Variants in ADAMTS19 observed in about 807,000 individuals in gnomAD.
ADAMTS19 encodes the protein ADAM metallopeptidase with thrombospondin type 1 motif 19.
A neutral mutation model predicts 153.3 loss-of-function variants in ADAMTS19; 93 were observed. The observed-to-expected ratio is 0.61, with a 90% CI of 0.51 to 0.72. ADAMTS19 has a LOEUF of 0.72. Ranked by LOEUF, ADAMTS19 falls within the 30% of genes least tolerant of loss-of-function variation. The pLI, the probability that ADAMTS19 is intolerant of heterozygous loss-of-function variation, is 0.00. For synonymous variants in ADAMTS19, 600 were observed against 556.6 expected (o/e 1.08, Z -1.10); for missense variants, 1,482 against 1,552.1 (o/e 0.95, Z 0.76).
chr5:129,737,230 C>A lies in ADAMTS19; in HGVS notation c.*12C>A. ...AGCAGAAGAGTTGACCTCTAGCAGG[C>A]TGGCTGGATCACAGCTCTTGGCAAT... is the stretch of plus-strand genomic sequence containing the variant. On this transcript the variant is annotated 3_prime_UTR_variant, in exon 23 of 23. Coordinates refer to ENST00000274487, the MANE Select transcript of ADAMTS19 (RefSeq NM_133638.6). The A allele has an allele frequency of 6.3e-7, 1 of 1,582,622 alleles. No individual in the cohort carries two copies. The highest frequency in any genetic ancestry group is 8.6e-7 in the Non-Finnish European group (1 of 1,159,016).
At chr5:129,535,829 T>C (rs950879896) in intron 6 of ADAMTS19, among the ~76,000 whole-genome samples, 16 of 152,156 alleles carry the variant, frequency 1.1e-4, no homozygotes, top group African/African-American at 3.9e-4. Context: ...CCCTATTTAA[T>C]AAATGGTGCT....
At chr5:129,553,361 A>C (rs1442071615) in intron 7 of ADAMTS19, among the ~76,000 whole-genome samples, 1 of 152,130 alleles carries the variant, frequency 6.6e-6, no homozygotes, top group Admixed American at 6.6e-5. Context: ...CATCTTGCTA[A>C]ATCTGCTAAT....
rs1355069158 is a variant in ADAMTS19 at position 129,460,424 on chromosome 5, C to T, written c.33C>T (p.His11=). ...AGAACCGCGAGATGCGCCTGACTCACATCTGCTGCTGCTGCCTCCTTTACC... is the reference window on the plus strand; with the variant it reads ...AGAACCGCGAGATGCGCCTGACTCATATCTGCTGCTGCTGCCTCCTTTACC... The part of the protein sequence containing the change: MGKNREMRLT[H]ICCCCLLYQL... Residue 11 remains histidine, a synonymous_variant, in exon 1 of 23, where the codon CAC becomes CAT. Coordinates refer to ENST00000274487, the MANE Select transcript of ADAMTS19 (RefSeq NM_133638.6). 4 of 1,614,152 alleles carry T rather than the reference C, an allele frequency of 2.5e-6. No homozygotes were observed. The Admixed American group carries it at 6.7e-5, about 27-fold the overall frequency.
chr5:129,555,938 G>C (rs897182005), intron 7 of ADAMTS19, among the ~76,000 whole-genome samples: 3 of 152,108 alleles, frequency 2.0e-5, no homozygotes, highest in Non-Finnish European at 4.4e-5. Context: ...TAAAACAATA[G>C]AATATTGTGC....
chr5:129,495,479 A>G (rs565844127), intron 2 of ADAMTS19, among the ~76,000 whole-genome samples: 3 of 152,220 alleles, frequency 2.0e-5, no homozygotes, highest in African/African-American at 7.2e-5. Flanking sequence ...TGAAGCAGAA[A>G]AAGGTGCTTA....
chr5:129,622,068 A>G, intron 9 of ADAMTS19, 130 bp from the exon 10 acceptor site: 3 of 820,640 alleles, frequency 3.7e-6, no homozygotes, highest in East Asian at 5.5e-5. Context: ...AATAATTTCT[A>G]TGAGTATTCA....
chr5:129,582,642 G>T (rs1428952025), intron 7 of ADAMTS19, among the ~76,000 whole-genome samples: 1 of 151,886 alleles, frequency 6.6e-6, no homozygotes, highest in East Asian at 1.9e-4. Context: ...GCATGATCTC[G>T]GCTCACTGCA....
chr5:129,589,032 G>T (rs959302832), intron 7 of ADAMTS19, among the ~76,000 whole-genome samples: 1 of 151,568 alleles, frequency 6.6e-6, no homozygotes, highest in African/African-American at 2.4e-5. Context: ...ATTTTAAAAA[G>T]TACATATTCT....
At chr5:129,726,887 C>T (rs1757231887) in intron 21 of ADAMTS19, among the ~76,000 whole-genome samples, 3 of 151,988 alleles carry the variant, frequency 2.0e-5, no homozygotes, top group African/African-American at 7.3e-5. Flanking sequence ...TTATAGTATA[C>T]TTTCCTCCTT....
chr5:129,521,688 G>A (rs1171708824), intron 3 of ADAMTS19, among the ~76,000 whole-genome samples: 2 of 152,074 alleles, frequency 1.3e-5, no homozygotes, highest in East Asian at 3.9e-4. Context: ...GTAGGAGCAA[G>A]CAATTTTCTT....
intron 21 of ADAMTS19, among the ~76,000 whole-genome samples, chr5:129,704,870 C>T (rs1047174386): frequency 6.6e-6 from 1 of 152,056 alleles, no homozygotes; most frequent in African/African-American, 2.4e-5. Context: ...AAAATGTTGA[C>T]ATCCTTTGGT....
At chr5:129,541,650 A>G (rs1027556912) in intron 6 of ADAMTS19, among the ~76,000 whole-genome samples, 1 of 152,002 alleles carries the variant, frequency 6.6e-6, no homozygotes, top group Non-Finnish European at 1.5e-5. Context: ...CACGTTACAG[A>G]GGTGATATGT....
chr5:129,568,365 G>A (rs568408034), intron 7 of ADAMTS19, among the ~76,000 whole-genome samples: 1 of 152,048 alleles, frequency 6.6e-6, no homozygotes, highest in Admixed American at 6.6e-5. Context: ...TAATACATGG[G>A]GGGGGATAAA....
At chr5:129,482,333 T>C (rs550648952) in intron 2 of ADAMTS19, among the ~76,000 whole-genome samples, 67 of 152,214 alleles carry the variant, frequency 4.4e-4, no homozygotes, top group African/African-American at 1.5e-3. Flanking sequence ...TGTCAAGGTA[T>C]ACAGAAGAAA....
At chr5:129,559,827 T>C (rs1753436816) in intron 7 of ADAMTS19, among the ~76,000 whole-genome samples, 1 of 152,198 alleles carries the variant, frequency 6.6e-6, no homozygotes, top group Admixed American at 6.5e-5. Context: ...CTTATTTGAT[T>C]TTTAAAACAC....
intron 3 of ADAMTS19, among the ~76,000 whole-genome samples, chr5:129,513,181 A>G (rs1751494153): frequency 6.6e-6 from 1 of 151,414 alleles, no homozygotes; most frequent in East Asian, 1.9e-4. Context: ...TAAACCCCCC[A>G]ACCAAAACAC....
rs1751821277 is a variant in ADAMTS19, at chr5:129,622,409, G to A, written c.1770+61G>A. 8 of 1,575,064 alleles carry A rather than the reference G, an allele frequency of 5.1e-6. No individual in the cohort carries two copies. The South Asian group carries it at 9.1e-5, about 18-fold the overall frequency. ...ATTGTTTAGAAGTATTGATTGGTAG[G>A]AGAAGGTAACATTATTTTAGGGTTT... On this transcript the variant is annotated intron_variant, in intron 10 of 22. Coordinates refer to ENST00000274487, the MANE Select transcript of ADAMTS19 (RefSeq NM_133638.6).
intron 8 of ADAMTS19, among the ~76,000 whole-genome samples, chr5:129,612,298 A>G (rs1751267830): frequency 6.6e-6 from 1 of 151,886 alleles, no homozygotes; most frequent in Non-Finnish European, 1.5e-5. Flanking sequence ...TACAAAGGAC[A>G]TGAACGCATC....
intron 10 of ADAMTS19, among the ~76,000 whole-genome samples, chr5:129,628,786 G>T (rs1162574806): frequency 1.3e-5 from 2 of 152,038 alleles, no homozygotes; most frequent in African/African-American, 4.8e-5. Flanking sequence ...TTGTTTTACA[G>T]TTGCCTACAA....
Sources: gnomAD v4.1 joint callset for allele counts (sites outside exome capture counted in the v4.1 genomes callset) on GRCh38, gnomAD v4.1.1 for gene constraint, MANE v1.5 for transcripts, NCBI Gene and HGNC (gene_info 2026-07-23, HGNC 2026-07-21) for gene names.